The following JCAD variants were observed in gnomAD, a reference collection of about 807,000 sequenced individuals.
The protein encoded by JCAD is junctional cadherin 5 associated.
Under a neutral mutation model 98.0 loss-of-function variants are expected in JCAD, and 40 were observed. The ratio of observed to expected loss-of-function variants is 0.41; its 90% CI spans 0.32 to 0.53. JCAD has a LOEUF of 0.53. Ranked by LOEUF, JCAD falls within the 20% of genes least tolerant of loss-of-function variation. The pLI is 0.31. For missense variants in JCAD, 1,705 were observed against 1,738.1 expected, an observed-to-expected ratio of 0.98 and a Z score of 0.34; for synonymous variants, 691 against 682.3, an observed-to-expected ratio of 1.01 and a Z score of -0.20.
rs1297225913 is a variant in JCAD at position 30,045,362 on chromosome 10, G to A, written c.281+2170C>T. Among the ~76,000 whole-genome samples, 3 of 152,030 alleles carry A rather than the reference G, an allele frequency of 2.0e-5. No homozygotes were observed. In the East Asian group the frequency reaches 5.8e-4, roughly 29 times the overall value. ...CCCTGTCTTTACTTCATTAGAAACTGACCGTTCTGCTTTTCAACAGTTGCT... is the reference window on the plus strand; with the variant it reads ...CCCTGTCTTTACTTCATTAGAAACTAACCGTTCTGCTTTTCAACAGTTGCT... On this transcript the variant is annotated intron_variant, in intron 2 of 3. Transcript: ENST00000375377.
At chr10:30,108,116 C>CAGGAGTT in intron 1 of JCAD, among the ~76,000 whole-genome samples, 1 of 152,012 alleles carries the variant, frequency 6.6e-6, no homozygotes, top group Non-Finnish European at 1.5e-5. Flanking sequence ...AGTTTGAGAC[C>CAGGAGTT]CGCCTGGCCA....
rs1836515892 is a variant in JCAD, at chr10:30,015,575, A to G, written c.*2308T>C. ...GAAAGATATGATACAACAATTTAAG[A>G]TAACAAAACAGAAGCGCATCACATT... On this transcript the variant is annotated 3_prime_UTR_variant, in exon 4 of 4. Coordinates refer to ENST00000375377, the MANE Select transcript of JCAD (RefSeq NM_020848.4). The G allele has an allele frequency of 6.6e-6, 1 of 152,246 alleles. No homozygotes were observed. Among genetic ancestry groups the G allele is most frequent in the Non-Finnish European group, 1.5e-5 (1 of 68,044 alleles). The allele number at this position is 152,246 out of a possible 1,614,324, so 9.4% of individuals were successfully genotyped here. A position where few individuals can be genotyped will look rare whatever the true frequency, so the allele number is the denominator to read the frequency against.
At chr10:30,113,308 T>C (rs1588663562) in intron 1 of JCAD, among the ~76,000 whole-genome samples, 1 of 151,922 alleles carries the variant, frequency 6.6e-6, no homozygotes, top group South Asian at 2.1e-4. Context: ...CCCAGCACTC[T>C]GGGAGGCCAA....
In JCAD at chr10:30,049,515, T is replaced by G. The variant is rs548514147; in HGVS notation, c.-59-1644A>C. On this transcript the variant is annotated intron_variant, in intron 1 of 3. Coordinates refer to ENST00000375377, the MANE Select transcript of JCAD (RefSeq NM_020848.4). ...CATGGAGAGTATCAAACTTTGGAAG[T>G]TGATAATTTTCCATTATGTCCCTAC... Among the ~76,000 whole-genome samples, 4 of 152,288 alleles carry G rather than the reference T, an allele frequency of 2.6e-5. No homozygotes were observed. In the East Asian group the frequency reaches 5.8e-4, roughly 22 times the overall value.
In JCAD at chr10:30,026,777, G is replaced by C; in HGVS notation, c.3371C>G (p.Pro1124Arg). 6.2e-7 allele frequency: 1 copy of C among 1,614,138 alleles called. No homozygotes were observed. The highest frequency in any genetic ancestry group is 8.5e-7 in the Non-Finnish European group (1 of 1,180,036). Reference sequence around the variant, plus strand: ...TGGGCGAGATAGCAACTCTTCCTGGGGGGACTCTGGGGTGCAGGCACTTGC... The same window carrying C: ...TGGGCGAGATAGCAACTCTTCCTGGCGGGACTCTGGGGTGCAGGCACTTGC... The part of the protein sequence containing the change: ...PDASACTPES[P>R]QEELLSRPAP... The change falls in exon 3 of 4, where the codon CCC (proline) becomes CGC (arginine). Residue 1124 changes from proline to arginine, a missense_variant. Transcript: ENST00000375377.
chr10:30,057,515 A>G lies in JCAD; in HGVS notation c.-60+1967T>C, dbSNP rs369873878. ...CTCGATGAGCTATTTGATAACCCTG[A>G]TGACTTTGTCAAGTCATCCAGAGCA... On this transcript the variant is annotated intron_variant, in intron 1 of 3. Transcript: ENST00000375377. 7.2e-5 allele frequency among the ~76,000 whole-genome samples: 11 copies of G among 152,256 alleles called. No individual in the cohort carries two copies. In the East Asian group the frequency reaches 2.1e-3, roughly 29 times the overall value.
chr10:30,047,505 A>G (rs1044312205), intron 2 of JCAD, 27 bp downstream of exon 2: 1 of 1,591,486 alleles, frequency 6.3e-7, no homozygotes, highest in African/African-American at 1.4e-5. Flanking sequence ...AGTCAAAAGA[A>G]AACGGTGGGT....
At chr10:30,025,339 G>A (rs1244743268) in intron 3 of JCAD, among the ~76,000 whole-genome samples, 1 of 151,716 alleles carries the variant, frequency 6.6e-6, no homozygotes, top group Admixed American at 6.6e-5. Context: ...CCAATATGGC[G>A]AAACCCCATC....
chr10:30,088,463 G>T (rs1037578589), intron 1 of JCAD, among the ~76,000 whole-genome samples: 5 of 152,130 alleles, frequency 3.3e-5, no homozygotes, highest in Non-Finnish European at 7.3e-5. Flanking sequence ...AGAGAGATCG[G>T]TCAGCTTAGT....
At chr10:30,067,727 G>T (rs1211385695) in intron 2 of JCAD, among the ~76,000 whole-genome samples, 1 of 152,212 alleles carries the variant, frequency 6.6e-6, no homozygotes, top group African/African-American at 2.4e-5. Context: ...TACTAGCGGG[G>T]TTGTATGGTT....
At chr10:30,045,903 T>C (rs900552080) in intron 2 of JCAD, among the ~76,000 whole-genome samples, 1 of 152,194 alleles carries the variant, frequency 6.6e-6, no homozygotes, top group African/African-American at 2.4e-5. Context: ...TTTTCTCCAA[T>C]AATGTGTTAA....
intron 1 of JCAD, among the ~76,000 whole-genome samples, chr10:30,055,885 T>C (rs985033442): frequency 7.9e-5 from 12 of 152,178 alleles, no homozygotes; most frequent in Non-Finnish European, 1.8e-4. Context: ...TCCTAAGTAT[T>C]ATCCCTTCTG....
intron 1 of JCAD, among the ~76,000 whole-genome samples, chr10:30,096,728 T>C (rs1393589597): frequency 1.3e-5 from 2 of 151,914 alleles, no homozygotes; most frequent in African/African-American, 2.4e-5. Flanking sequence ...TCAGGTGGCG[T>C]CATGGAATGT....
intron 1 of JCAD, among the ~76,000 whole-genome samples, chr10:30,104,602 C>A (rs1838534779): frequency 6.6e-6 from 1 of 152,166 alleles, no homozygotes; most frequent in Non-Finnish European, 1.5e-5. Flanking sequence ...AAGGGTTGAA[C>A]AGCTACCTGT....
intron 1 of JCAD, among the ~76,000 whole-genome samples, chr10:30,081,269 A>G (rs1029871181): frequency 6.6e-6 from 1 of 152,248 alleles, no homozygotes; most frequent in Non-Finnish European, 1.5e-5. Flanking sequence ...TTGATATGTT[A>G]TATATCAGTC....
chr10:30,044,816 T>C, intron 2 of JCAD: 4 of 973,424 alleles, frequency 4.1e-6, no homozygotes, highest in Non-Finnish European at 4.9e-6. Flanking sequence ...CAGTTCTCTA[T>C]TGGGCACCTA....
chr10:30,027,233 G>A lies in JCAD; in HGVS notation c.2915C>T (p.Pro972Leu), dbSNP rs1836838717. 2.5e-6 allele frequency: 4 copies of A among 1,614,202 alleles called. No homozygotes were observed. The highest frequency in any genetic ancestry group is 3.4e-6 in the Non-Finnish European group (4 of 1,180,030). Residue 972 changes from proline (P) to leucine (L), a missense_variant, in exon 3 of 4, where the codon CCA becomes CTA. Transcript: ENST00000375377. ...SNGMDELAGS[P>L]FPVTRMSSRS... Reference sequence around the variant, plus strand: ...TGAAGACATTCTCGTCACAGGAAATGGGCTACCTGCCAGCTCGTCCATTCC... The same window carrying A: ...TGAAGACATTCTCGTCACAGGAAATAGGCTACCTGCCAGCTCGTCCATTCC...
chr10:30,020,563 C>A (rs1419019629), intron 3 of JCAD, among the ~76,000 whole-genome samples: 1 of 152,080 alleles, frequency 6.6e-6, no homozygotes, highest in African/African-American at 2.4e-5. Context: ...ACATTACTAC[C>A]CAGATGGGAC....
chr10:30,107,154 T>C (rs1392190420), intron 1 of JCAD, among the ~76,000 whole-genome samples: 2 of 152,190 alleles, frequency 1.3e-5, no homozygotes, highest in African/African-American at 4.8e-5. Flanking sequence ...CGACTCCATC[T>C]TGAATAGGGG....
Sources: gnomAD v4.1 joint callset for allele counts (sites outside exome capture counted in the v4.1 genomes callset) on GRCh38, gnomAD v4.1.1 for gene constraint, MANE v1.5 for transcripts, NCBI Gene and HGNC (gene_info 2026-07-23, HGNC 2026-07-21) for gene names.